Variants in SLC35F3 observed in about 807,000 individuals in gnomAD.
SLC35F3 encodes the protein solute carrier family 35 member F3, also known as putative thiamine transporter SLC35F3.
SLC35F3 carries 25 observed loss-of-function variants against 49.9 expected under a neutral mutation model. The observed-to-expected ratio is 0.50, with a 90% CI of 0.37 to 0.70. The LOEUF (loss-of-function observed/expected upper bound fraction) is 0.70, where lower values mean the gene tolerates loss of function less well. SLC35F3 is among the 30% of genes least tolerant of loss of function. SLC35F3 has a pLI of 0.00. For synonymous variants in SLC35F3, 275 were observed against 265.4 expected (o/e 1.04, Z -0.35); for missense variants, 525 against 639.8 (o/e 0.82, Z 1.94).
At chr1:234,276,554 G>A (rs1668214388) in intron 3 of SLC35F3, among the ~76,000 whole-genome samples, 1 of 152,144 alleles carries the variant, frequency 6.6e-6, no homozygotes, top group South Asian at 2.1e-4. Flanking sequence ...CATGAAGATG[G>A]GAGCTGTGTC....
intron 2 of SLC35F3, among the ~76,000 whole-genome samples, chr1:234,164,060 T>C (rs929462679): frequency 6.6e-6 from 1 of 151,472 alleles, no homozygotes; most frequent in Admixed American, 6.6e-5. Context: ...AAAGAAGAAA[T>C]ATGGATTGTA....
At chr1:233,989,211 C>T (rs1009915189) in intron 2 of SLC35F3, among the ~76,000 whole-genome samples, 2 of 152,094 alleles carry the variant, frequency 1.3e-5, no homozygotes, top group African/African-American at 4.8e-5. Flanking sequence ...AATACATCAC[C>T]CTTTGATAGT....
intron 7 of SLC35F3, among the ~76,000 whole-genome samples, chr1:234,321,227 C>T (rs553625377): frequency 1.5e-4 from 22 of 151,532 alleles, no homozygotes; most frequent in African/African-American, 4.7e-4. Context: ...CTCACAGCGG[C>T]GGCAGTGTAC....
chr1:234,026,457 C>G (rs1354461690), intron 2 of SLC35F3, among the ~76,000 whole-genome samples: 1 of 152,166 alleles, frequency 6.6e-6, no homozygotes, highest in Admixed American at 6.5e-5. Flanking sequence ...AAGCTACAGT[C>G]TTTTTAAAGA....
intron 2 of SLC35F3, among the ~76,000 whole-genome samples, chr1:233,981,626 G>A (rs1663184970): frequency 6.6e-6 from 1 of 151,548 alleles, no homozygotes; most frequent in Non-Finnish European, 1.5e-5. Flanking sequence ...GAACATTCAT[G>A]TACAGGTCTT....
intron 2 of SLC35F3, among the ~76,000 whole-genome samples, chr1:234,060,505 A>G (rs1483985400): frequency 6.6e-6 from 1 of 152,086 alleles, no homozygotes; most frequent in Non-Finnish European, 1.5e-5. Context: ...GAAGTGCAGT[A>G]GCACAATCTC....
At chr1:234,134,137 A>G (rs1198243483) in intron 2 of SLC35F3, among the ~76,000 whole-genome samples, 1 of 152,154 alleles carries the variant, frequency 6.6e-6, no homozygotes, top group African/African-American at 2.4e-5. Flanking sequence ...CATTTAACAA[A>G]TATTTATTTT....
intron 2 of SLC35F3, among the ~76,000 whole-genome samples, chr1:234,112,312 C>G (rs1339062393): frequency 1.3e-5 from 2 of 152,254 alleles, no homozygotes; most frequent in East Asian, 3.9e-4. Context: ...CAGGATCACA[C>G]CACTGCACTC....
At chr1:234,290,194 A>C (rs1668483771) in intron 3 of SLC35F3, among the ~76,000 whole-genome samples, 3 of 152,246 alleles carry the variant, frequency 2.0e-5, no homozygotes, top group Admixed American at 1.3e-4. Flanking sequence ...GAGATATGGA[A>C]TGACAAGACA....
Position 234,304,170 on chromosome 1 carries a change from AT to A in SLC35F3, c.609-4922del, listed in dbSNP as rs939548248. Among the ~76,000 whole-genome samples, 12 of 141,526 alleles carry A rather than the reference AT, an allele frequency of 8.5e-5. No homozygotes were observed. In the South Asian group the frequency reaches 1.8e-3, roughly 21 times the overall value. 92.8% of individuals were successfully genotyped at this position (141,526 alleles called of 152,430 possible). A position where few individuals can be genotyped will look rare whatever the true frequency, so the allele number is the denominator to read the frequency against. ...TTATATTCCAACTTTTCTATTAATT[AT>A]TTTTTTTTGAGACAGAGTCTTGCTC... is the stretch of plus-strand genomic sequence containing the variant. On this transcript the variant is annotated intron_variant, in intron 3 of 7. Coordinates refer to ENST00000366618, the MANE Select transcript of SLC35F3 (RefSeq NM_173508.4).
intron 2 of SLC35F3, among the ~76,000 whole-genome samples, chr1:233,954,432 A>T (rs1253435092): frequency 6.6e-6 from 1 of 152,190 alleles, no homozygotes; most frequent in Non-Finnish European, 1.5e-5. Flanking sequence ...GAAAGAGAAT[A>T]CTAAGGAGGA....
intron 3 of SLC35F3, among the ~76,000 whole-genome samples, chr1:234,252,778 G>A (rs140268379): frequency 6.6e-6 from 1 of 152,116 alleles, no homozygotes; most frequent in Non-Finnish European, 1.5e-5. Flanking sequence ...CAGTACTCAC[G>A]ACACTGATAA....
At chr1:234,022,771 A>G (rs1374628152) in intron 2 of SLC35F3, among the ~76,000 whole-genome samples, 4 of 152,208 alleles carry the variant, frequency 2.6e-5, no homozygotes, top group Non-Finnish European at 4.4e-5. Context: ...TGTATACAGC[A>G]TGTTCCACTG....
At position 234,323,153 on chromosome 1, in the gene SLC35F3, G is replaced by T; in HGVS notation, c.1383G>T (p.Arg461Ser). 2 of 1,614,146 alleles carry T rather than the reference G, an allele frequency of 1.2e-6. No individual in the cohort carries two copies. Among genetic ancestry groups the T allele is most frequent in the Non-Finnish European group, 1.7e-6 (2 of 1,180,016 alleles). The change falls in exon 8 of 8, where the codon AGG becomes AGT. Residue 461 changes from arginine (R) to serine (S), a missense_variant. Transcript: ENST00000366618. This position sits in a 1 kb window ranked among gnomAD's most constrained non-coding sequence, Gnocchi z 4.5. The stretch of plus-strand genomic sequence containing the variant: ...AGCTGCTCACCCGACTCAAAGTGAG[G>T]AAGAAGGAGGAGCCTGCAGAGGGCG... ...LIKLLTRLKV[R>S]KKEEPAEGAA...
At chr1:234,282,061 G>A (rs1668335670) in intron 3 of SLC35F3, among the ~76,000 whole-genome samples, 1 of 152,116 alleles carries the variant, frequency 6.6e-6, no homozygotes, top group Non-Finnish European at 1.5e-5. Context: ...GGAGTGAGCT[G>A]CCAGATGGAA....
chr1:234,208,721 A>G (rs529480799), intron 2 of SLC35F3, among the ~76,000 whole-genome samples: 103 of 152,260 alleles, frequency 6.8e-4, no homozygotes, highest in African/African-American at 2.0e-3. Flanking sequence ...GTTCACTTCT[A>G]TATCTACCCA....
chr1:234,312,570 G>C (rs577083252), intron 4 of SLC35F3, among the ~76,000 whole-genome samples: 1 of 152,330 alleles, frequency 6.6e-6, no homozygotes, highest in Non-Finnish European at 1.5e-5. Flanking sequence ...ACAGTGGACA[G>C]GCAATGGTGG....
rs144276695 is a variant in SLC35F3, at chr1:234,088,102, G to T, written c.284-143315G>T. 1.9e-3 allele frequency among the ~76,000 whole-genome samples: 292 copies of T among 152,310 alleles called. 2 individuals carry two copies. The highest frequency in any genetic ancestry group is 6.2e-3 in the African/African-American group (259 of 41,560). On this transcript the variant is annotated intron_variant, in intron 2 of 7. Coordinates refer to ENST00000366618, the MANE Select transcript of SLC35F3 (RefSeq NM_173508.4). ...AGGGGATTTCTCTCTTCTGTACGTT[G>T]TATTTCCAGCACCTACAGCAGTGAT...
chr1:234,278,459 C>T (rs1488720004), intron 3 of SLC35F3, among the ~76,000 whole-genome samples: 2 of 148,796 alleles, frequency 1.3e-5, no homozygotes, highest in East Asian at 3.9e-4. Flanking sequence ...CACTGCACTC[C>T]AGCCTGGGCA....
Sources: allele counts gnomAD v4.1 joint callset (sites outside exome capture counted in the v4.1 genomes callset), GRCh38; gene constraint gnomAD v4.1.1; non-coding constraint Gnocchi (gnomAD v3.1); transcripts MANE v1.5; gene names NCBI Gene and HGNC (gene_info 2026-07-23, HGNC 2026-07-21).